The following MB21D2 variants were observed in gnomAD, a reference collection of about 807,000 sequenced individuals.
MB21D2 encodes the protein nucleotidyltransferase MB21D2.
A neutral mutation model predicts 33.3 loss-of-function variants in MB21D2; 9 were observed. That is an observed-to-expected ratio of 0.27 (90% confidence interval 0.16 to 0.47). MB21D2 has a LOEUF of 0.47. Among genes scored for constraint, MB21D2 ranks in the 20% least tolerant of loss-of-function variants. The pLI, the probability that MB21D2 is intolerant of heterozygous loss-of-function variation, is 0.99. For synonymous variants in MB21D2, 241 were observed against 236.3 expected (o/e 1.02, Z -0.18); for missense variants, 540 against 624.6 (o/e 0.86, Z 1.44).
intron 1 of MB21D2, among the ~76,000 whole-genome samples, chr3:192,834,123 A>G (rs1413930308): frequency 2.6e-5 from 4 of 152,132 alleles, no homozygotes; most frequent in Non-Finnish European, 5.9e-5. Flanking sequence ...AATCGAGTTC[A>G]GCAACACTGA....
At chr3:192,857,613 C>G (rs544358278) in intron 1 of MB21D2, among the ~76,000 whole-genome samples, 2 of 152,090 alleles carry the variant, frequency 1.3e-5, no homozygotes, top group African/African-American at 4.8e-5. Flanking sequence ...GTACATAATC[C>G]CTGTGGAATT....
At chr3:192,902,078 C>T (rs1204794424) in intron 1 of MB21D2, among the ~76,000 whole-genome samples, 5 of 152,162 alleles carry the variant, frequency 3.3e-5, no homozygotes, top group Admixed American at 3.3e-4. Flanking sequence ...TTTCAATAAA[C>T]AAAATCACAA....
intron 1 of MB21D2, among the ~76,000 whole-genome samples, chr3:192,825,234 C>A (rs1712149766): frequency 1.3e-5 from 2 of 152,188 alleles, no homozygotes; most frequent in African/African-American, 4.8e-5. Flanking sequence ...CTGCATGCTA[C>A]TTTACTTCTA....
At chr3:192,870,719 A>AAAAAG (rs1713274388) in intron 1 of MB21D2, among the ~76,000 whole-genome samples, 1 of 134,532 alleles carries the variant, frequency 7.4e-6, no homozygotes, top group African/African-American at 3.3e-5. Context: ...AAAAAAAAAA[A>AAAAAG]GGAAGGAGAG....
In MB21D2 at chr3:192,798,134, GA is replaced by G. The variant is rs34563884; in HGVS notation, c.*251del. The G allele has an allele frequency of 9.7e-6, 4 of 413,766 alleles. No homozygotes were observed. Among genetic ancestry groups the G allele is most frequent in the Admixed American group, 8.2e-5 (2 of 24,420 alleles). The allele number at this position is 413,766 out of a possible 1,614,324, so 25.6% of individuals were successfully genotyped here. ...CTATGGCTTAAGATCTCCTTAAAAA[GA>G]AAAAAAACTCCAACAAACTAAAGAG... On this transcript the variant is annotated 3_prime_UTR_variant, in exon 2 of 2. Coordinates refer to ENST00000392452, the MANE Select transcript of MB21D2 (RefSeq NM_178496.4). The surrounding 1 kb of genome is among the most constrained non-coding windows in gnomAD (Gnocchi z 4.8).
At chr3:192,814,391 T>A (rs1370701548) in intron 1 of MB21D2, among the ~76,000 whole-genome samples, 1 of 152,186 alleles carries the variant, frequency 6.6e-6, no homozygotes, top group Non-Finnish European at 1.5e-5. Context: ...GTTTTCAGTA[T>A]CTGGGTAAAA....
At chr3:192,916,993 C>T (rs1402080188) in intron 1 of MB21D2, among the ~76,000 whole-genome samples, 1 of 152,222 alleles carries the variant, frequency 6.6e-6, no homozygotes, top group Non-Finnish European at 1.5e-5. Flanking sequence ...GAAATGCTTC[C>T]GATCGCTTCA....
At chr3:192,864,115 T>C (rs1222061199) in intron 1 of MB21D2, among the ~76,000 whole-genome samples, 1 of 152,204 alleles carries the variant, frequency 6.6e-6, no homozygotes, top group Non-Finnish European at 1.5e-5. Flanking sequence ...GCAGTGGGTA[T>C]CAGGGAAAGC....
At chr3:192,843,321 T>C (rs771680974) in intron 1 of MB21D2, among the ~76,000 whole-genome samples, 1 of 152,174 alleles carries the variant, frequency 6.6e-6, no homozygotes, top group Non-Finnish European at 1.5e-5. Flanking sequence ...GTCTTTGACA[T>C]GTCAGAGTGG....
rs532089646 is a variant in MB21D2 at position 192,911,291 on chromosome 3, A to G, written c.211+6339T>C. ...AATGGTGATGATTAAATGATACAGT[A>G]AAGTCCTATTAAAACCTGTGACATA... On this transcript the variant is annotated intron_variant, in intron 1 of 1. Transcript: ENST00000392452. Among the ~76,000 whole-genome samples the G allele has an allele frequency of 2.6e-5, 4 of 152,210 alleles. No homozygotes were observed. In the South Asian group the frequency reaches 8.3e-4, roughly 32 times the overall value.
At chr3:192,870,778 GT>G (rs59239098) in intron 1 of MB21D2, among the ~76,000 whole-genome samples, 83,663 of 147,594 alleles carry the variant, frequency 0.57, 24,997 homozygotes, top group African/African-American at 0.75. Flanking sequence ...AGTTCGAGGA[GT>G]TTAAAAAAAA....
chr3:192,913,166 C>G (rs796371443), intron 1 of MB21D2, among the ~76,000 whole-genome samples: 12 of 152,274 alleles, frequency 7.9e-5, no homozygotes, highest in African/African-American at 2.9e-4. Flanking sequence ...GAGGTCAAAG[C>G]AGGAGGATTG....
At position 192,884,522 on chromosome 3, in the gene MB21D2, A is replaced by G. The variant is rs574812899; in HGVS notation, c.211+33108T>C. ...GCTGGGACTACAGGCGCCCGCCACCACGCCCGGCTAATTTTTTGTATTTTT... is the reference window on the plus strand; with the variant it reads ...GCTGGGACTACAGGCGCCCGCCACCGCGCCCGGCTAATTTTTTGTATTTTT... On this transcript the variant is annotated intron_variant, in intron 1 of 1. Transcript: ENST00000392452. Among the ~76,000 whole-genome samples the G allele has an allele frequency of 3.6e-3, 448 of 124,556 alleles. 3 individuals are homozygous for G. Among genetic ancestry groups the G allele is most frequent in the Middle Eastern group, 8.7e-3 (2 of 230 alleles). 81.7% of individuals were successfully genotyped at this position (124,556 alleles called of 152,430 possible). A position where few individuals can be genotyped will look rare whatever the true frequency, so the allele number is the denominator to read the frequency against.
At chr3:192,848,656 C>A (rs1484104163) in intron 1 of MB21D2, among the ~76,000 whole-genome samples, 1 of 152,226 alleles carries the variant, frequency 6.6e-6, no homozygotes, top group African/African-American at 2.4e-5. Context: ...AGTAAACCAA[C>A]CCGTCAGAGT....
intron 1 of MB21D2, among the ~76,000 whole-genome samples, chr3:192,856,067 TAAAA>T (rs997110643): frequency 6.6e-6 from 1 of 151,948 alleles, no homozygotes; most frequent in African/African-American, 2.4e-5. Flanking sequence ...AAAAAGTAAA[TAAAA>T]ACTTAATAAG....
intron 1 of MB21D2, among the ~76,000 whole-genome samples, chr3:192,869,922 A>G (rs767507733): frequency 9.2e-5 from 14 of 152,356 alleles, no homozygotes; most frequent in South Asian, 6.2e-4. Context: ...TTTAAATTAT[A>G]TTACAGCCAT....
At chr3:192,802,213 GGATACTCTGA>G (rs1184349492) in intron 1 of MB21D2, among the ~76,000 whole-genome samples, 1 of 152,180 alleles carries the variant, frequency 6.6e-6, no homozygotes, top group Non-Finnish European at 1.5e-5. Flanking sequence ...TCCCAGCTCA[GGATACTCTGA>G]AGGGCCACTC....
rs551972425 is a variant in MB21D2 at position 192,841,364 on chromosome 3, G to A, written c.212-41714C>T. On this transcript the variant is annotated intron_variant, in intron 1 of 1. Transcript: ENST00000392452. ...CACCTTGTATCAAAGGTAGCAGTCA[G>A]TGTAACAAATAAGCGTGATGGTTTT... is the stretch of plus-strand genomic sequence containing the variant. 2.0e-5 allele frequency among the ~76,000 whole-genome samples: 3 copies of A among 152,370 alleles called. No individual in the cohort carries two copies. In the South Asian group the frequency reaches 6.2e-4, roughly 32 times the overall value.
chr3:192,849,097 C>G (rs1057083391), intron 1 of MB21D2, among the ~76,000 whole-genome samples: 1 of 152,130 alleles, frequency 6.6e-6, no homozygotes, highest in Non-Finnish European at 1.5e-5. Flanking sequence ...CCTGCTCAGT[C>G]CTGAAATGGC....
Sources: allele counts gnomAD v4.1 joint callset (sites outside exome capture counted in the v4.1 genomes callset), GRCh38; gene constraint gnomAD v4.1.1; non-coding constraint Gnocchi (gnomAD v3.1); transcripts MANE v1.5; gene names NCBI Gene and HGNC (gene_info 2026-07-23, HGNC 2026-07-21).